CHCHD2: variants seen among roughly 807,000 people sequenced by gnomAD.
The protein encoded by CHCHD2 is coiled-coil-helix-coiled-coil-helix domain containing 2, also known as coiled-coil-helix-coiled-coil-helix domain-containing protein 2.
Under a neutral mutation model 17.5 loss-of-function variants are expected in CHCHD2, and 17 were observed. The ratio of observed to expected loss-of-function variants is 0.97; its 90% confidence interval spans 0.67 to 1.46. The LOEUF is 1.46. Among genes scored for constraint, CHCHD2 ranks in the 40% most tolerant of loss-of-function variants. CHCHD2 has a pLI of 0.00. For missense variants in CHCHD2, 175 were observed against 199.9 expected (o/e 0.88, Z 0.75); for synonymous variants, 63 against 74.3 (o/e 0.85, Z 0.78).
At chr7:56,103,728 G>A (rs895142221) in intron 2 of CHCHD2, among the ~76,000 whole-genome samples, 2 of 152,222 alleles carry the variant, frequency 1.3e-5, no homozygotes, top group Non-Finnish European at 2.9e-5. Flanking sequence ...GTTTACTGAA[G>A]CTTCAGGGAG....
chr7:56,102,387 C>T lies in CHCHD2; in HGVS notation c.445+480G>A, dbSNP rs1252528810. Among the ~76,000 whole-genome samples, 4 of 151,372 alleles carry T rather than the reference C, an allele frequency of 2.6e-5. No homozygotes were observed. The East Asian group carries it at 7.8e-4, about 29-fold the overall frequency. Reference sequence around the variant, plus strand: ...TCTTTTAAATTTGAGACAGTGTCTCCCACTGGAGACACCCAGTTGCCCAGG... The same window carrying T: ...TCTTTTAAATTTGAGACAGTGTCTCTCACTGGAGACACCCAGTTGCCCAGG... On this transcript the variant is annotated intron_variant, in intron 3 of 3. Coordinates refer to ENST00000395422, the MANE Select transcript of CHCHD2 (RefSeq NM_016139.4).
intron 3 of CHCHD2, 67 bp downstream of exon 3, chr7:56,102,800 C>A: frequency 1.3e-6 from 2 of 1,541,432 alleles, no homozygotes; most frequent in Admixed American, 3.4e-5. Context: ...ACAGATTACC[C>A]TAAGTTCTAC....
At position 56,104,226 on chromosome 7, in the gene CHCHD2, C is replaced by T; in HGVS notation, c.300G>A (p.Gln100=). The T allele has an allele frequency of 6.2e-7, 1 of 1,612,240 alleles. No individual in the cohort carries two copies. The highest frequency in any genetic ancestry group is 8.5e-7 in the Non-Finnish European group (1 of 1,178,388). Residue 100 remains glutamine (Q), a splice_region_variant and synonymous_variant, in exon 2 of 4, where the codon CAG becomes CAA. Coordinates refer to ENST00000395422, the MANE Select transcript of CHCHD2 (RefSeq NM_016139.4). ...AGGGAAATGCTGCCTAAATTCCCAC[C>T]TGGTAAGTGATGTCAGGCCTCGCAG... ...AEPARPDITY[Q]EPQGTQPAQQ...
intron 1 of CHCHD2, among the ~76,000 whole-genome samples, chr7:56,104,773 A>T (rs2115582910): frequency 6.6e-6 from 1 of 151,994 alleles, no homozygotes; most frequent in South Asian, 2.1e-4. Flanking sequence ...ACCTCCGGCT[A>T]ATTTTTTGTA....
intron 3 of CHCHD2, 22 bp downstream of exon 3, chr7:56,102,845 G>A (rs1785312565): frequency 6.2e-7 from 1 of 1,613,312 alleles, no homozygotes; most frequent in South Asian, 1.1e-5. Context: ...TTAAGCAGAT[G>A]TAAATTGGAC....
intron 3 of CHCHD2, among the ~76,000 whole-genome samples, chr7:56,102,161 G>A (rs887732332): frequency 3.9e-5 from 6 of 152,100 alleles, no homozygotes; most frequent in South Asian, 2.1e-4. Context: ...CTGAATCTCC[G>A]GAGTTCCCCT....
At position 56,106,393 on chromosome 7, in the gene CHCHD2, G is replaced by T; in HGVS notation, c.21C>A (p.Ser7Arg). The change falls in exon 1 of 4, where the codon AGC becomes AGA. Residue 7 changes from serine to arginine, a missense_variant. Ser to Arg is a moderately radical substitution (Grantham distance 110). Transcript: ENST00000395422. MPRGSRSRTSRMAPPAS... is the reference protein window; with the variant it reads MPRGSRRRTSRMAPPAS... The stretch of plus-strand genomic sequence containing the variant: ...CCGGAGGGGCCATGCGGGAGGTGCG[G>T]CTTCGGCTTCCACGCGGCATCCTAG... 1 of 1,613,560 alleles carries T rather than the reference G, an allele frequency of 6.2e-7. No homozygotes were observed.
At chr7:56,104,513 C>G in intron 1 of CHCHD2, 38 bp from the exon 2 acceptor site, 1 of 1,498,176 alleles carries the variant, frequency 6.7e-7, no homozygotes, top group Non-Finnish European at 8.9e-7. Flanking sequence ...GTTCCCAATT[C>G]CAACCAGTTT....
At chr7:56,106,081 C>G (rs913566663) in intron 1 of CHCHD2, among the ~76,000 whole-genome samples, 2 of 152,186 alleles carry the variant, frequency 1.3e-5, no homozygotes, top group Admixed American at 6.5e-5. Flanking sequence ...CTTGGGTGCT[C>G]TTTTCCCCGA....
chr7:56,106,400 C>T lies in CHCHD2; in HGVS notation c.14G>A (p.Ser5Asn), dbSNP rs781422604. 1 of 1,613,636 alleles carries T rather than the reference C, an allele frequency of 6.2e-7. No individual in the cohort carries two copies. The highest frequency in any genetic ancestry group is 1.1e-5 in the South Asian group (1 of 91,038). Reference sequence around the variant, plus strand: ...GGCCATGCGGGAGGTGCGGCTTCGGCTTCCACGCGGCATCCTAGGTAAGCG... The same window carrying T: ...GGCCATGCGGGAGGTGCGGCTTCGGTTTCCACGCGGCATCCTAGGTAAGCG... MPRG[S>N]RSRTSRMAPP... Residue 5 changes from serine to asparagine, a missense_variant, in exon 1 of 4, where the codon AGC becomes AAC. Ser to Asn is a conservative substitution (Grantham distance 46). Transcript: ENST00000395422.
chr7:56,105,786 A>G (rs1785371911), intron 1 of CHCHD2, among the ~76,000 whole-genome samples: 1 of 152,182 alleles, frequency 6.6e-6, no homozygotes, highest in African/African-American at 2.4e-5. Context: ...CTGACTCAAA[A>G]TATAAATAAA....
Position 56,102,997 on chromosome 7 carries a change from G to T in CHCHD2, c.315C>A (p.Thr105=), listed in dbSNP as rs756502106. 1.2e-6 allele frequency: 2 copies of T among 1,614,166 alleles called. No individual in the cohort carries two copies. The highest frequency in any genetic ancestry group is 3.3e-5 in the Admixed American group (2 of 60,018). ...PDITYQEPQG[T]QPAQQQQPCL... is the part of the protein sequence containing the mutation. The stretch of plus-strand genomic sequence containing the variant: ...AAGGCTGCTGCTGCTGTGCTGGCTG[G>T]GTTCCCTGAGGCTCCTGCAAAGGCA... The change falls in exon 3 of 4, where the codon ACC becomes ACA. Residue 105 remains threonine, a synonymous_variant. Transcript: ENST00000395422.
Position 56,106,377 on chromosome 7 carries a change from C to A in CHCHD2, c.37G>T (p.Ala13Ser), listed in dbSNP as rs1048101846. ...CGATGGTCTCACCTGGCCGGAGGGG[C>A]CATGCGGGAGGTGCGGCTTCGGCTT... ...RGSRSRTSRM[A>S]PPASRAPQMR... Residue 13 changes from alanine to serine, a missense_variant, in exon 1 of 4, where the codon GCC becomes TCC. By Grantham distance (99) the Ala-to-Ser change is moderately conservative. Transcript: ENST00000395422. The A allele has an allele frequency of 6.2e-7, 1 of 1,613,204 alleles. No homozygotes were observed. Among genetic ancestry groups the A allele is most frequent in the African/African-American group, 1.3e-5 (1 of 74,892 alleles).
Position 56,106,248 on chromosome 7 carries a change from C to A in CHCHD2, c.50+116G>T, listed in dbSNP as rs1359764319. The stretch of plus-strand genomic sequence containing the variant: ...TCAATCTACCCCCGCCTGGCAGAGG[C>A]GAGCCCACGCCGCAGCCGACCTTAG... On this transcript the variant is annotated intron_variant, in intron 1 of 3. Transcript: ENST00000395422. 4 of 901,812 alleles carry A rather than the reference C, an allele frequency of 4.4e-6. No individual in the cohort carries two copies. The African/African-American group carries it at 6.8e-5, about 15-fold the overall frequency. 55.9% of individuals were successfully genotyped at this position (901,812 alleles called of 1,614,324 possible).
chr7:56,105,934 C>G (rs1026751554), intron 1 of CHCHD2, among the ~76,000 whole-genome samples: 4 of 152,204 alleles, frequency 2.6e-5, no homozygotes, highest in Admixed American at 6.6e-5. Flanking sequence ...TTCAACTATT[C>G]CTCATCTGTT....
intron 1 of CHCHD2, among the ~76,000 whole-genome samples, chr7:56,105,057 C>T (rs1265020326): frequency 4.0e-5 from 6 of 151,778 alleles, no homozygotes; most frequent in Non-Finnish European, 7.4e-5. Context: ...ATTACAGGCG[C>T]GCACCACCAC....
Position 56,102,967 on chromosome 7 carries a change from G to A in CHCHD2, c.345C>T (p.Leu115=). ...ACTCCAGAAACTGTTTGATCTCATAGAGGCAAGGCTGCTGCTGCTGTGCTG... is the reference window on the plus strand; with the variant it reads ...ACTCCAGAAACTGTTTGATCTCATAAAGGCAAGGCTGCTGCTGCTGTGCTG... The part of the protein sequence containing the change: ...TQPAQQQQPC[L]YEIKQFLECA... The change falls in exon 3 of 4, where the codon CTC becomes CTT. Residue 115 remains leucine, a synonymous_variant. Transcript: ENST00000395422. 2 of 1,614,172 alleles carry A rather than the reference G, an allele frequency of 1.2e-6. No homozygotes were observed. The highest frequency in any genetic ancestry group is 2.2e-5 in the East Asian group (1 of 44,882).
chr7:56,106,299 T>G, intron 1 of CHCHD2, 65 bp downstream of exon 1: 1 of 1,516,928 alleles, frequency 6.6e-7, no homozygotes, highest in Non-Finnish European at 9.0e-7. Context: ...GGCCTCCCTC[T>G]GCGTCATTGC....
intron 1 of CHCHD2, 76 bp downstream of exon 1, chr7:56,106,288 C>T: frequency 7.0e-7 from 1 of 1,427,358 alleles, no homozygotes; most frequent in Non-Finnish European, 9.6e-7. Context: ...CCCCCGCCCG[C>T]GGCCTCCCTC....
Sources: gnomAD v4.1 joint callset for allele counts (sites outside exome capture counted in the v4.1 genomes callset) on GRCh38, gnomAD v4.1.1 for gene constraint, MANE v1.5 for transcripts, NCBI Gene and HGNC (gene_info 2026-07-23, HGNC 2026-07-21) for gene names.